The following TUSC3 variants were observed in gnomAD, a reference collection of about 807,000 sequenced individuals.
TUSC3 encodes tumor suppressor candidate 3, also known as dolichyl-diphosphooligosaccharide--protein glycosyltransferase subunit TUSC3.
Under a neutral mutation model 44.8 loss-of-function variants are expected in TUSC3, and 45 were observed. The observed-to-expected ratio is 1.00, with a 90% CI of 0.79 to 1.29. TUSC3 has a LOEUF of 1.29. Among genes scored for constraint, TUSC3 ranks in the 50% most tolerant of loss-of-function variants. The probability of loss-of-function intolerance (pLI) is 0.00; values close to 1 mark genes in which losing one functional copy is unlikely to be tolerated. For synonymous variants in TUSC3, 212 were observed against 152.9 expected (o/e 1.39, Z -2.85); for missense variants, 519 against 437.9 (o/e 1.19, Z -1.65).
At chr8:15,468,182 C>T (rs1251104521) in intron 1 of TUSC3, among the ~76,000 whole-genome samples, 1 of 152,084 alleles carries the variant, frequency 6.6e-6, no homozygotes, top group African/African-American at 2.4e-5. Flanking sequence ...AACGGAATTT[C>T]GTTTGGTTGG....
intron 6 of TUSC3, among the ~76,000 whole-genome samples, chr8:15,678,197 G>C (rs557993717): frequency 3.9e-5 from 6 of 152,164 alleles, no homozygotes; most frequent in African/African-American, 1.2e-4. Flanking sequence ...TCAGCCATTT[G>C]CTGAGTGCTG....
chr8:15,454,446 C>T (rs976860203), intron 1 of TUSC3, among the ~76,000 whole-genome samples: 9 of 152,246 alleles, frequency 5.9e-5, no homozygotes, highest in South Asian at 2.1e-4. Flanking sequence ...TGTTAACAGA[C>T]GTAGACCAAT....
chr8:15,755,682 C>G (rs352795), intron 9 of TUSC3, among the ~76,000 whole-genome samples: 129,073 of 151,698 alleles, frequency 0.85, 55,131 homozygotes, highest in Non-Finnish European at 0.88. Context: ...ACCCAAGCAA[C>G]TACTTTGGCA....
At chr8:15,637,232 C>G (rs747736615) in intron 2 of TUSC3, among the ~76,000 whole-genome samples, 3 of 147,278 alleles carry the variant, frequency 2.0e-5, no homozygotes, top group African/African-American at 7.4e-5. Flanking sequence ...CCCATTCCCT[C>G]TTAAACTTTT....
the TUSC3 span, among the ~76,000 whole-genome samples, chr8:15,785,576 T>C: frequency 6.6e-6 from 1 of 151,986 alleles, no homozygotes; most frequent in African/African-American, 2.4e-5. Flanking sequence ...TTATTCCTTG[T>C]TTTAGAGATA....
chr8:15,499,528 T>C (rs1278497096), intron 2 of TUSC3, among the ~76,000 whole-genome samples: 1 of 152,240 alleles, frequency 6.6e-6, no homozygotes, highest in African/African-American at 2.4e-5. Flanking sequence ...AATGGACTTA[T>C]AATGAGATAA....
At chr8:15,523,543 T>TA (rs974892770) in intron 2 of TUSC3, among the ~76,000 whole-genome samples, 10 of 151,500 alleles carry the variant, frequency 6.6e-5, no homozygotes, top group African/African-American at 1.9e-4. Flanking sequence ...TTTCTAATAA[T>TA]AGCATGTTAA....
intron 1 of TUSC3, among the ~76,000 whole-genome samples, chr8:15,616,476 C>G (rs1221917427): frequency 2.0e-5 from 3 of 152,154 alleles, no homozygotes; most frequent in Admixed American, 2.0e-4. Flanking sequence ...ACTCGGGAAG[C>G]TGAGGCTGGA....
intron 1 of TUSC3, among the ~76,000 whole-genome samples, chr8:15,549,519 G>A (rs1801984934): frequency 6.6e-6 from 1 of 151,564 alleles, no homozygotes; most frequent in Non-Finnish European, 1.5e-5. Flanking sequence ...TGATTGGTAG[G>A]TGTTTTCATT....
intron 1 of TUSC3, among the ~76,000 whole-genome samples, chr8:15,445,887 C>G (rs1395888535): frequency 6.6e-6 from 1 of 151,478 alleles, no homozygotes; most frequent in African/African-American, 2.4e-5. Flanking sequence ...CCTCACTTCC[C>G]AGACGGGGCG....
intron 2 of TUSC3, among the ~76,000 whole-genome samples, chr8:15,497,875 G>A (rs1405991893): frequency 6.6e-6 from 1 of 151,928 alleles, no homozygotes; most frequent in Non-Finnish European, 1.5e-5. Context: ...CTCCTGAGTA[G>A]TTGGGATTCT....
At chr8:15,818,002 T>C in the TUSC3 span, among the ~76,000 whole-genome samples, 1 of 152,088 alleles carries the variant, frequency 6.6e-6, no homozygotes, top group East Asian at 1.9e-4. Context: ...CTGGAGAGAC[T>C]GTGATGAAGG....
intron 1 of TUSC3, among the ~76,000 whole-genome samples, chr8:15,470,598 C>A (rs1045448749): frequency 2.2e-4 from 33 of 152,042 alleles, no homozygotes; most frequent in African/African-American, 7.0e-4. Context: ...TTTCTATAAA[C>A]CATGAAGAAT....
chr8:15,457,930 C>A (rs115291242), intron 1 of TUSC3, among the ~76,000 whole-genome samples: 2 of 150,028 alleles, frequency 1.3e-5, no homozygotes, highest in African/African-American at 4.9e-5. Context: ...ATTAGTACTC[C>A]AATGATGAAT....
intron 2 of TUSC3, among the ~76,000 whole-genome samples, chr8:15,642,764 G>A (rs1338079930): frequency 6.6e-6 from 1 of 151,960 alleles, no homozygotes; most frequent in African/African-American, 2.4e-5. Flanking sequence ...CATAAACAAG[G>A]TTTACATTGC....
chr8:15,684,008 C>T (rs1242874104), intron 6 of TUSC3, among the ~76,000 whole-genome samples: 1 of 151,978 alleles, frequency 6.6e-6, no homozygotes. Context: ...AGAGTGCAGT[C>T]CACCAGCTGA....
intron 1 of TUSC3, among the ~76,000 whole-genome samples, chr8:15,427,929 C>T (rs901680952): frequency 6.6e-6 from 1 of 151,918 alleles, no homozygotes; most frequent in Non-Finnish European, 1.5e-5. Context: ...TTTTTGCATA[C>T]AGTATGAGAT....
In TUSC3 at chr8:15,741,009, A is replaced by AATAAT. The variant is rs1346302929; in HGVS notation, c.863-2528_863-2527insTAATA. ...TGTTACTCATAGTTTTCAACATTGTAACAATACAGAGGGAGAGTAGTAAAA... is the reference window on the plus strand; with the variant it reads ...TGTTACTCATAGTTTTCAACATTGTAATAATACAATACAGAGGGAGAGTAGTAAAA... On this transcript the variant is annotated intron_variant, in intron 7 of 10. Coordinates refer to ENST00000503731, the MANE Select transcript of TUSC3 (RefSeq NM_006765.4). Among the ~76,000 whole-genome samples the AATAAT allele has an allele frequency of 2.0e-5, 3 of 152,324 alleles. No homozygotes were observed. The East Asian group carries it at 5.8e-4, about 29-fold the overall frequency.
chr8:15,814,478 T>C, the TUSC3 span, among the ~76,000 whole-genome samples: 1 of 152,204 alleles, frequency 6.6e-6, no homozygotes, highest in South Asian at 2.1e-4. Context: ...ACGCAATGCG[T>C]TGCCAATATG....
Sources: gnomAD v4.1 joint callset for allele counts (sites outside exome capture counted in the v4.1 genomes callset) on GRCh38, gnomAD v4.1.1 for gene constraint, MANE v1.5 for transcripts, NCBI Gene and HGNC (gene_info 2026-07-23, HGNC 2026-07-21) for gene names.